Variants in TARBP1 observed in about 807,000 individuals in gnomAD.
TARBP1 encodes tRNA guanosine 2 -O-methyltransferase TARBP1, also known as tRNA (guanosine(18)-2'-O)-methyltransferase TARBP1.
Under a neutral mutation model 178.6 loss-of-function variants are expected in TARBP1, and 144 were observed. The ratio of observed to expected loss-of-function variants is 0.81; its 90% CI spans 0.70 to 0.93. TARBP1 has a LOEUF of 0.93. Among genes scored for constraint, TARBP1 ranks in the 40% least tolerant of loss-of-function variants. The probability of loss-of-function intolerance (pLI) is 0.00; values close to 1 mark genes in which losing one functional copy is unlikely to be tolerated. For missense variants in TARBP1, 2,067 were observed against 2,011.7 expected, an observed-to-expected ratio of 1.03 and a Z score of -0.53; for synonymous variants, 787 against 781.0, an observed-to-expected ratio of 1.01 and a Z score of -0.13.
In TARBP1 at chr1:234,478,326, G is replaced by C; in HGVS notation, c.778C>G (p.Arg260Gly). The change falls in exon 1 of 30, where the codon CGG becomes GGG. Residue 260 changes from arginine (R) to glycine (G), a missense_variant. Arg to Gly is a moderately radical substitution (Grantham distance 125, BLOSUM62 -2). Transcript: ENST00000040877. ...GTCCTCCAGAAGCGCCAGCAGCGCC[G>C]GGCGTCCGGGCCCGCCTCGCGCGCG... ...RGAREAGPDA[R>G]RCWRFWRTVQ... The C allele has an allele frequency of 7.3e-7, 1 of 1,367,344 alleles. No homozygotes were observed. Among genetic ancestry groups the C allele is most frequent in the South Asian group, 1.8e-5 (1 of 55,316 alleles). The allele number at this position is 1,367,344 out of a possible 1,614,324, so 84.7% of individuals were successfully genotyped here. A position where few individuals can be genotyped will look rare whatever the true frequency, so the allele number is the denominator to read the frequency against.
At chr1:234,411,644 A>C (rs1013444445) in intron 22 of TARBP1, among the ~76,000 whole-genome samples, 1 of 152,232 alleles carries the variant, frequency 6.6e-6, no homozygotes, top group African/African-American at 2.4e-5. Context: ...GGCTTTAAAA[A>C]GCTATAGCGA....
At chr1:234,456,157 T>TA (rs1183533492) in intron 9 of TARBP1, among the ~76,000 whole-genome samples, 2 of 152,204 alleles carry the variant, frequency 1.3e-5, no homozygotes, top group East Asian at 1.9e-4. Flanking sequence ...GAATTTATCC[T>TA]AAAAAACAGG....
At chr1:234,445,304 G>A (rs1666039135) in intron 12 of TARBP1, among the ~76,000 whole-genome samples, 1 of 152,068 alleles carries the variant, frequency 6.6e-6, no homozygotes, top group Admixed American at 6.6e-5. Flanking sequence ...AAGGTACTTG[G>A]ACCCCTTCTC....
intron 24 of TARBP1, among the ~76,000 whole-genome samples, 178 bp from the exon 25 acceptor site, chr1:234,401,440 C>T (rs535603962): frequency 6.6e-6 from 1 of 152,178 alleles, no homozygotes; most frequent in Non-Finnish European, 1.5e-5. Flanking sequence ...TAAAAACTGA[C>T]ACTTAATAAA....
In TARBP1 at chr1:234,478,441, C is replaced by T; in HGVS notation, c.663G>A (p.Leu221=). 1.3e-5 allele frequency: 18 copies of T among 1,389,942 alleles called. No individual in the cohort carries two copies. Among genetic ancestry groups the T allele is most frequent in the Non-Finnish European group, 1.7e-5 (18 of 1,068,006 alleles). 86.1% of individuals were successfully genotyped at this position (1,389,942 alleles called of 1,614,324 possible). A position where few individuals can be genotyped will look rare whatever the true frequency, so the allele number is the denominator to read the frequency against. ...WGGLAAPGAS[L]GSGRVEEKLL... ...GCTTCTCCTCTACGCGGCCGGACCC[C>T]AGGGACGCCCCAGGCGCGGCCAGCC... Residue 221 remains leucine, a synonymous_variant, in exon 1 of 30, where the codon CTG becomes CTA. Coordinates refer to ENST00000040877, the MANE Select transcript of TARBP1 (RefSeq NM_005646.4).
Position 234,478,519 on chromosome 1 carries a change from C to T in TARBP1, c.585G>A (p.Leu195=). ...CGCCACATTGGACCAGCACTGGCAGCAGTCGCCCGGCCACCAGCGCCGCCG... is the reference window on the plus strand; with the variant it reads ...CGCCACATTGGACCAGCACTGGCAGTAGTCGCCCGGCCACCAGCGCCGCCG... ...EDAAALVAGR[L]LPVLVQCGGA... Residue 195 remains leucine, a synonymous_variant, in exon 1 of 30, where the codon CTG becomes CTA. Transcript: ENST00000040877. 7.2e-7 allele frequency: 1 copy of T among 1,380,628 alleles called. No individual in the cohort carries two copies. The highest frequency in any genetic ancestry group is 9.4e-7 in the Non-Finnish European group (1 of 1,063,942). 85.5% of individuals were successfully genotyped at this position (1,380,628 alleles called of 1,614,324 possible). A position where few individuals can be genotyped will look rare whatever the true frequency, so the allele number is the denominator to read the frequency against.
At chr1:234,404,367 A>G (rs912860734) in intron 24 of TARBP1, among the ~76,000 whole-genome samples, 11 of 152,216 alleles carry the variant, frequency 7.2e-5, no homozygotes, top group Admixed American at 5.9e-4. Flanking sequence ...AAGTTCATTA[A>G]ATTACATAAT....
At chr1:234,410,564 T>C (rs1661699990) in intron 22 of TARBP1, 33 bp from the exon 23 acceptor site, 2 of 1,348,656 alleles carry the variant, frequency 1.5e-6, no homozygotes, top group Non-Finnish European at 2.1e-6. Context: ...AAATATTGAT[T>C]CAAAGCTTAC....
In TARBP1 at chr1:234,394,962, G is replaced by A. The variant is rs539810754; in HGVS notation, c.4244-1125C>T. On this transcript the variant is annotated intron_variant, in intron 26 of 29. Coordinates refer to ENST00000040877, the MANE Select transcript of TARBP1 (RefSeq NM_005646.4). ...ACATTAGCCAGGTGTGGTGGTGGACGCCTATAATCCCAGCACTTTAGGAGG... is the reference window on the plus strand; with the variant it reads ...ACATTAGCCAGGTGTGGTGGTGGACACCTATAATCCCAGCACTTTAGGAGG... Among the ~76,000 whole-genome samples the A allele has an allele frequency of 7.2e-4, 110 of 151,856 alleles. 1 individual carries two copies. The highest frequency in any genetic ancestry group is 2.5e-3 in the African/African-American group (103 of 41,460).
chr1:234,418,043 T>C (rs1194796315), intron 22 of TARBP1, 41 bp downstream of exon 22: 4 of 1,135,076 alleles, frequency 3.5e-6, no homozygotes, highest in Non-Finnish European at 1.2e-6. Flanking sequence ...GTCAAAATCA[T>C]GTCTTAGTTT....
chr1:234,437,329 T>C lies in TARBP1; in HGVS notation c.2178A>G (p.Thr726=). Residue 726 remains threonine, a synonymous_variant, in exon 13 of 30, where the codon ACA becomes ACG. Transcript: ENST00000040877. ...TGAGAATAAATTCAGAAATGCTCTC[T>C]GTAGTAGACATGAAAAAGTTCTGAA... ...TVLQNFFMST[T]ESISEFILRR... is the part of the protein sequence containing the mutation. The C allele has an allele frequency of 6.3e-7, 1 of 1,599,530 alleles. No homozygotes were observed. The highest frequency in any genetic ancestry group is 8.5e-7 in the Non-Finnish European group (1 of 1,172,696).
Position 234,478,584 on chromosome 1 carries a change from C to G in TARBP1, c.520G>C (p.Gly174Arg). Reference sequence around the variant, plus strand: ...CCGGCCTCATCCCCGTCCCCGCCCCCGCCCAGCGCCAGGGCGACGGCGGTC... The same window carrying G: ...CCGGCCTCATCCCCGTCCCCGCCCCGGCCCAGCGCCAGGGCGACGGCGGTC... Reference protein sequence around the residue: ...AGTAVALALGGGGDGDEAGPA... With the variant: ...AGTAVALALGRGGDGDEAGPA... The change falls in exon 1 of 30, where the codon GGG becomes CGG. Residue 174 changes from glycine to arginine, a missense_variant. Transcript: ENST00000040877. 1 of 1,293,264 alleles carries G rather than the reference C, an allele frequency of 7.7e-7. No homozygotes were observed. Among genetic ancestry groups the G allele is most frequent in the South Asian group, 2.1e-5 (1 of 46,528 alleles). 80.1% of individuals were successfully genotyped at this position (1,293,264 alleles called of 1,614,324 possible).
At chr1:234,425,857 T>C (rs942939259) in intron 19 of TARBP1, 64 bp from the exon 20 acceptor site, 2 of 1,304,164 alleles carry the variant, frequency 1.5e-6, no homozygotes, top group African/African-American at 3.0e-5. Flanking sequence ...ACATCAAATA[T>C]TAGTTTCAAA....
chr1:234,478,140 T>C (rs774124080), intron 1 of TARBP1, 33 bp downstream of exon 1: 4 of 1,596,254 alleles, frequency 2.5e-6, no homozygotes, highest in African/African-American at 1.3e-5. Flanking sequence ...GCCAAGTAGG[T>C]AGCACTAGGC....
intron 13 of TARBP1, among the ~76,000 whole-genome samples, chr1:234,434,785 A>G (rs976333267): frequency 3.3e-5 from 5 of 152,166 alleles, no homozygotes; most frequent in South Asian, 2.1e-4. Flanking sequence ...GTCAGGGACA[A>G]GCTTTAAAGA....
intron 12 of TARBP1, among the ~76,000 whole-genome samples, chr1:234,444,545 G>A (rs898730662): frequency 3.9e-5 from 6 of 152,114 alleles, no homozygotes; most frequent in Admixed American, 3.3e-4. Context: ...ATTCACGATC[G>A]CAACCTCAAG....
chr1:234,412,083 C>T (rs1408957432), intron 22 of TARBP1, among the ~76,000 whole-genome samples: 1 of 152,100 alleles, frequency 6.6e-6, no homozygotes, highest in Non-Finnish European at 1.5e-5. Flanking sequence ...CTATGAAAAC[C>T]TAAAATAAGG....
chr1:234,464,556 T>C (rs753876058), intron 5 of TARBP1, among the ~76,000 whole-genome samples: 2 of 152,204 alleles, frequency 1.3e-5, no homozygotes, highest in Non-Finnish European at 2.9e-5. Flanking sequence ...TCTCCAGCTG[T>C]CTAATTGCTT....
chr1:234,452,531 T>C (rs557897698), intron 9 of TARBP1, among the ~76,000 whole-genome samples: 1 of 152,324 alleles, frequency 6.6e-6, no homozygotes, highest in African/African-American at 2.4e-5. Flanking sequence ...ACTATATAGC[T>C]ACTGGAGTGG....
Sources: allele counts gnomAD v4.1 joint callset (sites outside exome capture counted in the v4.1 genomes callset), GRCh38; gene constraint gnomAD v4.1.1; transcripts MANE v1.5; gene names NCBI Gene and HGNC (gene_info 2026-07-23, HGNC 2026-07-21).